Variants in CLPX observed in about 807,000 individuals in gnomAD.
CLPX encodes ATP-dependent clpX-like chaperone, mitochondrial.
Under a neutral mutation model 76.4 loss-of-function variants are expected in CLPX, and 34 were observed. The observed-to-expected ratio is 0.45, with a 90% CI of 0.34 to 0.59. CLPX has a LOEUF of 0.59. Ranked by LOEUF, CLPX falls within the 20% of genes least tolerant of loss-of-function variation. The pLI is 0.01. For synonymous variants in CLPX, 248 were observed against 270.9 expected, an observed-to-expected ratio of 0.92 and a Z score of 0.83; for missense variants, 613 against 757.0, an observed-to-expected ratio of 0.81 and a Z score of 2.23.
intron 3 of CLPX, among the ~76,000 whole-genome samples, chr15:65,174,343 C>T (rs2088057319): frequency 6.6e-6 from 1 of 151,126 alleles, no homozygotes; most frequent in African/African-American, 2.4e-5. Context: ...CGGCTCACTG[C>T]AACCTCCGCC....
At chr15:65,163,935 T>TA in intron 5 of CLPX, 94 bp downstream of exon 5, 1 of 1,214,758 alleles carries the variant, frequency 8.2e-7, no homozygotes, top group Non-Finnish European at 1.2e-6. Context: ...CCACACTATA[T>TA]AAAAAACATT....
At chr15:65,166,307 A>G (rs1303949012) in intron 4 of CLPX, among the ~76,000 whole-genome samples, 1 of 152,180 alleles carries the variant, frequency 6.6e-6, no homozygotes, top group African/African-American at 2.4e-5. Flanking sequence ...TTAAGGGTCC[A>G]TATGAACAAA....
intron 1 of CLPX, among the ~76,000 whole-genome samples, chr15:65,183,215 C>A (rs1269577622): frequency 1.3e-5 from 2 of 151,882 alleles, no homozygotes; most frequent in African/African-American, 4.8e-5. Flanking sequence ...GTAATCCCAG[C>A]ACTTTGGGAG....
intron 4 of CLPX, among the ~76,000 whole-genome samples, chr15:65,165,966 C>G (rs948039910): frequency 2.6e-5 from 4 of 152,136 alleles, no homozygotes; most frequent in African/African-American, 9.7e-5. Context: ...GTGCAAACAT[C>G]TGAGACACAG....
intron 12 of CLPX, 137 bp downstream of exon 12, chr15:65,153,410 C>A (rs138096652): frequency 6.6e-6 from 4 of 610,628 alleles, no homozygotes. Context: ...GAGCCAAGAT[C>A]GCACCACTGC....
At chr15:65,180,282 A>C in intron 1 of CLPX, 78 bp from the exon 2 acceptor site, 1 of 1,124,390 alleles carries the variant, frequency 8.9e-7, no homozygotes, top group Non-Finnish European at 1.3e-6. Flanking sequence ...CCTTGAGCAT[A>C]AAGGAGGTTG....
intron 1 of CLPX, among the ~76,000 whole-genome samples, chr15:65,183,040 G>C (rs992357497): frequency 2.0e-5 from 3 of 151,958 alleles, no homozygotes; most frequent in African/African-American, 7.3e-5. Context: ...GCGCGCGCCT[G>C]TAACCCCAGC....
At chr15:65,155,617 G>T in intron 10 of CLPX, 75 bp downstream of exon 10, 1 of 1,222,932 alleles carries the variant, frequency 8.2e-7, no homozygotes, top group Non-Finnish European at 1.2e-6. Context: ...GTAGCCCGCA[G>T]ATATGAGAAT....
chr15:65,174,097 C>T (rs2088052606), intron 3 of CLPX, among the ~76,000 whole-genome samples: 1 of 151,248 alleles, frequency 6.6e-6, no homozygotes, highest in South Asian at 2.1e-4. Flanking sequence ...GCTTCAGCCT[C>T]CTGAGTAGTT....
At position 65,164,112 on chromosome 15, in the gene CLPX, T is replaced by C. The variant is rs1419180290; in HGVS notation, c.590A>G (p.His197Arg). 1 of 1,613,444 alleles carries C rather than the reference T, an allele frequency of 6.2e-7. No homozygotes were observed. The highest frequency in any genetic ancestry group is 1.1e-5 in the South Asian group (1 of 90,932). ...GATATTATTATATATTCTCTTATAA[T>C]GATTGTACACAGCAACTGAAAGCAC... ...KKVLSVAVYN[H>R]YKRIYNNIPA... is the part of the protein sequence containing the mutation. The change falls in exon 5 of 14, where the codon CAT (histidine) becomes CGT (arginine). Residue 197 changes from histidine to arginine, a missense_variant. Around this residue, in one of 2 missense-constraint regions of CLPX, gnomAD observed 450 missense variants for 638.6 expected, o/e 0.70. Transcript: ENST00000300107.
intron 4 of CLPX, among the ~76,000 whole-genome samples, chr15:65,165,758 A>G (rs2087904232): frequency 6.6e-6 from 1 of 152,090 alleles, no homozygotes; most frequent in African/African-American, 2.4e-5. Context: ...AAAGCCCAAT[A>G]TATTTTCCAT....
At chr15:65,163,896 A>G in intron 5 of CLPX, 133 bp downstream of exon 5, 1 of 815,302 alleles carries the variant, frequency 1.2e-6, no homozygotes, top group Non-Finnish European at 2.0e-6. Context: ...TAACACACTA[A>G]TGGGGAATAA....
intron 3 of CLPX, among the ~76,000 whole-genome samples, chr15:65,168,861 T>TC (rs2087957345): frequency 6.6e-6 from 1 of 151,538 alleles, no homozygotes; most frequent in Non-Finnish European, 1.5e-5. Flanking sequence ...TTTTCTTTTC[T>TC]CTTTTTTTTT....
intron 5 of CLPX, 152 bp downstream of exon 5, chr15:65,163,877 A>C: frequency 1.4e-6 from 1 of 698,416 alleles, no homozygotes; most frequent in Non-Finnish European, 2.4e-6. Flanking sequence ...CTGTTGGCAA[A>C]TGATTTCATA....
At chr15:65,182,837 A>G (rs948252203) in intron 1 of CLPX, among the ~76,000 whole-genome samples, 4 of 152,220 alleles carry the variant, frequency 2.6e-5, no homozygotes, top group African/African-American at 7.2e-5. Context: ...ATACAGACAA[A>G]GCTTTCTAAA....
chr15:65,171,993 TTTG>T (rs1339825102), intron 3 of CLPX, among the ~76,000 whole-genome samples: 2 of 152,202 alleles, frequency 1.3e-5, no homozygotes, highest in African/African-American at 4.8e-5. Flanking sequence ...AATGCACTTT[TTTG>T]TTTTGTTTTG....
chr15:65,157,658 G>A (rs543425198), intron 8 of CLPX, 88 bp downstream of exon 8: 2 of 1,237,556 alleles, frequency 1.6e-6, no homozygotes, highest in Non-Finnish European at 2.2e-6. Flanking sequence ...TTTAGTCCTT[G>A]ACTCAAAACA....
intron 3 of CLPX, among the ~76,000 whole-genome samples, chr15:65,171,952 C>A (rs188278595): frequency 2.0e-5 from 3 of 151,962 alleles, no homozygotes; most frequent in Non-Finnish European, 2.9e-5. Flanking sequence ...TATCAAAATG[C>A]TATTTTGGGA....
intron 3 of CLPX, 103 bp from the exon 4 acceptor site, chr15:65,166,888 A>C: frequency 8.9e-7 from 1 of 1,127,840 alleles, no homozygotes; most frequent in Non-Finnish European, 1.2e-6. Flanking sequence ...ACCTGACAAA[A>C]AGTAGACTTG....
Sources: allele counts gnomAD v4.1 joint callset (sites outside exome capture counted in the v4.1 genomes callset), GRCh38; gene constraint gnomAD v4.1.1; regional missense constraint gnomAD v4.1.1; transcripts MANE v1.5; gene names NCBI Gene and HGNC (gene_info 2026-07-23, HGNC 2026-07-21).